Variants in KLRD1 observed in about 807,000 individuals in gnomAD.
KLRD1 encodes killer cell lectin like receptor D1, also known as natural killer cells antigen CD94.
KLRD1 carries 21 observed loss-of-function variants against 22.6 expected under a neutral mutation model. The observed-to-expected ratio is 0.93, with a 90% CI of 0.66 to 1.34. The LOEUF is 1.34. KLRD1 is among the 40% of genes most tolerant of loss of function. The pLI, the probability that KLRD1 is intolerant of heterozygous loss-of-function variation, is 0.00. For missense variants in KLRD1, 183 were observed against 208.6 expected, an observed-to-expected ratio of 0.88 and a Z score of 0.76; for synonymous variants, 59 against 71.1, an observed-to-expected ratio of 0.83 and a Z score of 0.85.
chr12:10,247,368 T>C (rs1442288806), intron 1 of KLRD1, among the ~76,000 whole-genome samples: 3 of 152,184 alleles, frequency 2.0e-5, no homozygotes, highest in African/African-American at 4.8e-5. Context: ...ATTTATAATT[T>C]ATTTTTTTCA....
chr12:10,245,332 T>C (rs1440862749), intron 1 of KLRD1, among the ~76,000 whole-genome samples: 7 of 152,126 alleles, frequency 4.6e-5, no homozygotes, highest in Non-Finnish European at 8.8e-5. Context: ...CACTCCAGCC[T>C]GGGCGACAGA....
chr12:10,252,796 G>T (rs563101397), intron 1 of KLRD1, among the ~76,000 whole-genome samples: 18 of 152,036 alleles, frequency 1.2e-4, no homozygotes, highest in Non-Finnish European at 2.4e-4. Flanking sequence ...AAGAATGGTG[G>T]GGGTGGTAGG....
At chr12:10,244,779 G>T (rs191942010) in intron 1 of KLRD1, among the ~76,000 whole-genome samples, 11 of 144,696 alleles carry the variant, frequency 7.6e-5, no homozygotes, top group Admixed American at 3.6e-4. Flanking sequence ...GCGAAACTCC[G>T]TCTCAAAAAC....
rs148984091 is a variant in KLRD1, at chr12:10,293,227, C to T, written c.-100-14751C>T. 1.3e-4 allele frequency among the ~76,000 whole-genome samples: 15 copies of T among 113,234 alleles called. No individual in the cohort carries two copies. The East Asian group carries it at 4.1e-3, about 31-fold the overall frequency. 74.3% of individuals were successfully genotyped at this position (113,234 alleles called of 152,430 possible). Reference sequence around the variant, plus strand: ...TAGCAATTTTGATTTTCTTCAAGTACTCTTTCTTTGCATTCACCATTTGGC... The same window carrying T: ...TAGCAATTTTGATTTTCTTCAAGTATTCTTTCTTTGCATTCACCATTTGGC... On this transcript the variant is annotated intron_variant, in intron 1 of 5. Coordinates refer to the KLRD1 transcript ENST00000544747.
At chr12:10,289,358 C>T (rs1268578865) in intron 1 of KLRD1, among the ~76,000 whole-genome samples, 1 of 152,202 alleles carries the variant, frequency 6.6e-6, no homozygotes, top group East Asian at 1.9e-4. Context: ...AGAAAAGATA[C>T]ACATTAAGGA....
intron 4 of KLRD1, among the ~76,000 whole-genome samples, chr12:10,312,570 C>T (rs1483692497): frequency 7.4e-5 from 11 of 148,760 alleles, no homozygotes; most frequent in East Asian, 4.3e-4. Context: ...AGTAGAGACG[C>T]GGTTTCACCG....
chr12:10,320,669 T>C lies in KLRD1; in HGVS notation c.*5876T>C, dbSNP rs1015635153. On this transcript the variant is annotated 3_prime_UTR_variant, in exon 6 of 6. Transcript: ENST00000336164. ...TCAAATGTTAGCATGTCAAAAATGC[T>C]AAAATTGAGAAATAGATTCTGAGCA... 2.0e-5 allele frequency: 3 copies of C among 152,204 alleles called. No homozygotes were observed. The highest frequency in any genetic ancestry group is 4.8e-5 in the African/African-American group (2 of 41,460). 9.4% of individuals were successfully genotyped at this position (152,204 alleles called of 1,614,324 possible).
At chr12:10,265,295 CTCCT>C (rs775714105) in intron 1 of KLRD1, among the ~76,000 whole-genome samples, 59 of 152,156 alleles carry the variant, frequency 3.9e-4, no homozygotes, top group Middle Eastern at 3.2e-3. Flanking sequence ...TATTATTAGA[CTCCT>C]TCCTTTTGTT....
intron 5 of KLRD1, among the ~76,000 whole-genome samples, chr12:10,313,984 A>G (rs977901017): frequency 3.3e-5 from 5 of 152,156 alleles, no homozygotes; most frequent in African/African-American, 4.8e-5. Context: ...TCCTAAATCA[A>G]TCTTCATACA....
intron 1 of KLRD1, among the ~76,000 whole-genome samples, chr12:10,299,206 G>C (rs939317110): frequency 2.0e-5 from 3 of 149,888 alleles, no homozygotes; most frequent in Non-Finnish European, 4.4e-5. Flanking sequence ...ATTATGTTTT[G>C]TTTTGTTTTG....
At chr12:10,308,825 A>G (rs1949984900) in intron 1 of KLRD1, 1 of 153,564 alleles carries the variant, frequency 6.5e-6, no homozygotes, top group Non-Finnish European at 1.4e-5. Context: ...AGGAGAGGGC[A>G]TACTCTCAAC....
In KLRD1 at chr12:10,324,816, G is replaced by GTATATATATATATATATATATA. The variant is rs1397212198; in HGVS notation, c.*10024_*10025insATATATATATATATATATATAT. The GTATATATATATATATATATATA allele has an allele frequency of 1.3e-3, 22 of 16,612 alleles. No individual in the cohort carries two copies. Among genetic ancestry groups the GTATATATATATATATATATATA allele is most frequent in the African/African-American group, 1.7e-3 (20 of 11,962 alleles). 1.0% of individuals were successfully genotyped at this position (16,612 alleles called of 1,614,324 possible). A position where few individuals can be genotyped will look rare whatever the true frequency, so the allele number is the denominator to read the frequency against. The stretch of plus-strand genomic sequence containing the variant: ...TAAGTATATATGTATATGTGTGTGT[G>GTATATATATATATATATATATA]TGTATATATATATATATATATATAT... On this transcript the variant is annotated 3_prime_UTR_variant, in exon 6 of 6. Coordinates refer to ENST00000336164, the MANE Select transcript of KLRD1 (RefSeq NM_002262.5).
upstream of KLRD1, among the ~76,000 whole-genome samples, chr12:10,299,703 T>C (rs889004977): frequency 2.0e-5 from 3 of 152,190 alleles, no homozygotes; most frequent in African/African-American, 7.2e-5. Context: ...TTTGGCAATT[T>C]CTTAAAATAA....
chr12:10,277,126 T>C (rs1052292826), intron 1 of KLRD1, among the ~76,000 whole-genome samples: 3 of 150,528 alleles, frequency 2.0e-5, no homozygotes, highest in Admixed American at 1.3e-4. Context: ...TTTTTTTTTT[T>C]TTTTTTTTTT....
At chr12:10,243,023 C>A in intron 1 of KLRD1, among the ~76,000 whole-genome samples, 1 of 151,934 alleles carries the variant, frequency 6.6e-6, no homozygotes, top group African/African-American at 2.4e-5. Flanking sequence ...TGAAATAAGC[C>A]AAGCACAGAA....
At chr12:10,243,631 A>AAAAAAG (rs771543645) in intron 1 of KLRD1, among the ~76,000 whole-genome samples, 1,588 of 118,768 alleles carry the variant, frequency 0.013, 279 homozygotes, top group African/African-American at 0.062. Context: ...AAAAAAAAAA[A>AAAAAAG]AACCGAAATG....
intron 1 of KLRD1, among the ~76,000 whole-genome samples, chr12:10,254,468 AACAG>A (rs1481119777): frequency 6.6e-6 from 1 of 151,834 alleles, no homozygotes; most frequent in East Asian, 1.9e-4. Context: ...CAACAGAGTA[AACAG>A]ACAATGTACA....
chr12:10,278,433 A>G (rs1949611187), intron 1 of KLRD1, among the ~76,000 whole-genome samples: 2 of 152,186 alleles, frequency 1.3e-5, no homozygotes, highest in African/African-American at 2.4e-5. Context: ...TACCATCTGT[A>G]GGCATCTGGT....
chr12:10,310,778 C>CT (rs1452294526), intron 3 of KLRD1, among the ~76,000 whole-genome samples: 6 of 152,138 alleles, frequency 3.9e-5, no homozygotes, highest in African/African-American at 1.4e-4. Context: ...CAGCAAGACT[C>CT]TGTCTCAAAA....
Sources: gnomAD v4.1 joint callset for allele counts (sites outside exome capture counted in the v4.1 genomes callset) on GRCh38, gnomAD v4.1.1 for gene constraint, MANE v1.5 for transcripts, NCBI Gene and HGNC (gene_info 2026-07-23, HGNC 2026-07-21) for gene names.